Variants in HSD17B4 observed in about 807,000 individuals in gnomAD.
HSD17B4 encodes peroxisomal multifunctional enzyme type 2.
Under a neutral mutation model 101.0 loss-of-function variants are expected in HSD17B4, and 70 were observed. That is an observed-to-expected ratio of 0.69 (90% CI 0.57 to 0.85). The LOEUF (loss-of-function observed/expected upper bound fraction) is 0.85. Ranked by LOEUF, HSD17B4 falls within the 40% of genes least tolerant of loss-of-function variation. The pLI is 0.00. For missense variants in HSD17B4, 984 were observed against 892.4 expected, an observed-to-expected ratio of 1.10 and a Z score of -1.31; for synonymous variants, 347 against 297.1, an observed-to-expected ratio of 1.17 and a Z score of -1.73.
chr5:119,540,690 A>G (rs1004199585), intron 23 of HSD17B4, among the ~76,000 whole-genome samples: 4 of 152,146 alleles, frequency 2.6e-5, no homozygotes, highest in African/African-American at 9.7e-5. Context: ...CTCTCTGACT[A>G]TTTCTGGAAT....
intron 8 of HSD17B4, among the ~76,000 whole-genome samples, chr5:119,486,621 AGC>A (rs1749633162): frequency 1.3e-5 from 2 of 152,112 alleles, no homozygotes; most frequent in Non-Finnish European, 2.9e-5. Context: ...ATTTATATAA[AGC>A]TGTAGCTCAT....
chr5:119,452,967 C>A, intron 1 of HSD17B4: 2 of 974,412 alleles, frequency 2.1e-6, no homozygotes, highest in Non-Finnish European at 1.5e-6. Context: ...ACTCTTCCTG[C>A]AATTAACTCT....
chr5:119,489,418 C>A, intron 9 of HSD17B4, 135 bp downstream of exon 9: 2 of 672,318 alleles, frequency 3.0e-6, no homozygotes, highest in Non-Finnish European at 5.3e-6. Context: ...TGACTAATAT[C>A]CATTTTTTGG....
intron 2 of HSD17B4, among the ~76,000 whole-genome samples, chr5:119,470,774 A>C (rs2126670342): frequency 6.6e-6 from 1 of 152,278 alleles, no homozygotes; most frequent in South Asian, 2.1e-4. Context: ...TGCGGAGGAG[A>C]CAAGGATTGG....
intron 2 of HSD17B4, among the ~76,000 whole-genome samples, chr5:119,459,268 T>C (rs1287430236): frequency 2.0e-5 from 3 of 152,226 alleles, no homozygotes; most frequent in African/African-American, 7.2e-5. Context: ...TCTCTGTTTA[T>C]AGCTGTCTTA....
Position 119,493,906 on chromosome 5 carries a change from C to A in HSD17B4, c.828C>A (p.Ile276=). 1 of 1,613,338 alleles carries A rather than the reference C, an allele frequency of 6.2e-7. No individual in the cohort carries two copies. ...CAGTCAAGGCTAACTGGAAGAAGATCTGTGACTTTGAGAATGCCAGCAAGC... is the reference window on the plus strand; with the variant it reads ...CAGTCAAGGCTAACTGGAAGAAGATATGTGACTTTGAGAATGCCAGCAAGC... The part of the protein sequence containing the change: ...PEAVKANWKK[I]CDFENASKPQ... Residue 276 remains isoleucine (I), a synonymous_variant, in exon 11 of 24, where the codon ATC becomes ATA. Transcript: ENST00000510025.
intron 17 of HSD17B4, among the ~76,000 whole-genome samples, chr5:119,523,700 C>G (rs1335907460): frequency 1.3e-5 from 2 of 152,074 alleles, no homozygotes; most frequent in African/African-American, 4.8e-5. Context: ...ATCTTAGAAA[C>G]TTGGTTGTTT....
intron 8 of HSD17B4, among the ~76,000 whole-genome samples, chr5:119,487,603 A>C (rs1301326065): frequency 6.6e-6 from 1 of 152,168 alleles, no homozygotes; most frequent in Non-Finnish European, 1.5e-5. Context: ...TATATAAAAT[A>C]AACTGCAAGG....
At position 119,456,328 on chromosome 5, in the gene HSD17B4, C is replaced by T. The variant is rs2126610379; in HGVS notation, c.72C>T (p.Ala24=). The change falls in exon 2 of 24, where the codon GCC becomes GCT. Residue 24 remains alanine (A), a synonymous_variant. Transcript: ENST00000510025. ...VTGAGAGLGR[A]YALAFAERGA... is the part of the protein sequence containing the mutation. Reference sequence around the variant, plus strand: ...GTTTTTGATTAGGATTGGGCCGAGCCTATGCCCTGGCTTTTGCAGAAAGAG... The same window carrying T: ...GTTTTTGATTAGGATTGGGCCGAGCTTATGCCCTGGCTTTTGCAGAAAGAG... 2 of 1,611,394 alleles carry T rather than the reference C, an allele frequency of 1.2e-6. No individual in the cohort carries two copies. The highest frequency in any genetic ancestry group is 8.5e-7 in the Non-Finnish European group (1 of 1,177,490).
intron 2 of HSD17B4, among the ~76,000 whole-genome samples, chr5:119,457,748 A>G (rs912368945): frequency 2.6e-5 from 4 of 152,178 alleles, no homozygotes; most frequent in East Asian, 1.9e-4. Context: ...GCTCAATTCC[A>G]TAACGGCAAG....
intron 17 of HSD17B4, 92 bp downstream of exon 17, chr5:119,515,138 A>C: frequency 1.3e-6 from 1 of 774,920 alleles, no homozygotes; most frequent in Non-Finnish European, 2.4e-6. Context: ...TATGCATCTA[A>C]TGCATAATGA....
At chr5:119,519,842 T>C (rs1031688089) in intron 17 of HSD17B4, among the ~76,000 whole-genome samples, 1 of 152,216 alleles carries the variant, frequency 6.6e-6, no homozygotes, top group Non-Finnish European at 1.5e-5. Flanking sequence ...TAATTCTGCT[T>C]CTACTAAACG....
At chr5:119,485,104 T>G (rs1471111389) in intron 8 of HSD17B4, among the ~76,000 whole-genome samples, 1 of 152,146 alleles carries the variant, frequency 6.6e-6, no homozygotes, top group Admixed American at 6.5e-5. Flanking sequence ...TGCATCTAAC[T>G]TTGTACCTTC....
In HSD17B4 at chr5:119,525,732, T is replaced by G. The variant is rs2678073; in HGVS notation, c.1574-185T>G. 4,939 of 581,070 alleles carry G rather than the reference T, an allele frequency of 8.5e-3. 181 individuals carry two copies. The highest frequency in any genetic ancestry group is 0.084 in the African/African-American group (4,430 of 52,780). The allele number at this position is 581,070 out of a possible 1,614,324, so 36.0% of individuals were successfully genotyped here. A position where few individuals can be genotyped will look rare whatever the true frequency, so the allele number is the denominator to read the frequency against. On this transcript the variant is annotated intron_variant, in intron 18 of 23. Coordinates refer to ENST00000510025, the MANE Select transcript of HSD17B4 (RefSeq NM_000414.4). ...TGTTTTGTTTTTTTTTTTTCTTTCT[T>G]TCTTTATTTCATAATTTCCTCCCAG...
chr5:119,483,371 C>T (rs540595114), intron 8 of HSD17B4, among the ~76,000 whole-genome samples: 6 of 152,202 alleles, frequency 3.9e-5, no homozygotes, highest in Admixed American at 3.9e-4. Context: ...TGCTGATAAG[C>T]AGAGTTGTTG....
intron 7 of HSD17B4, 117 bp downstream of exon 7, chr5:119,477,618 A>T: frequency 1.3e-6 from 1 of 795,806 alleles, no homozygotes; most frequent in Admixed American, 1.8e-5. Flanking sequence ...AGGAATATGT[A>T]CAACCTTTTA....
At chr5:119,509,000 G>C in intron 15 of HSD17B4, 141 bp from the exon 16 acceptor site, 1 of 640,534 alleles carries the variant, frequency 1.6e-6, no homozygotes, top group Admixed American at 2.6e-5. Context: ...TCCAAACTTG[G>C]ACACCTTTAC....
intron 6 of HSD17B4, chr5:119,476,528 G>A (rs1748600892): frequency 1.0e-6 from 1 of 979,656 alleles, no homozygotes; most frequent in Non-Finnish European, 1.2e-6. Flanking sequence ...TGTTTATAGA[G>A]TGTGTTTTGG....
In HSD17B4 at chr5:119,542,130, G is replaced by T; in HGVS notation, c.*136G>T. 3 of 670,126 alleles carry T rather than the reference G, an allele frequency of 4.5e-6. No individual in the cohort carries two copies. Among genetic ancestry groups the T allele is most frequent in the Non-Finnish European group, 8.2e-6 (3 of 368,066 alleles). The allele number at this position is 670,126 out of a possible 1,614,324, so 41.5% of individuals were successfully genotyped here. A position where few individuals can be genotyped will look rare whatever the true frequency, so the allele number is the denominator to read the frequency against. The stretch of plus-strand genomic sequence containing the variant: ...TAACATTTTCAGATATCAGATAACT[G>T]CAGATTTTCATTTTCTACTAATTTT... On this transcript the variant is annotated 3_prime_UTR_variant, in exon 24 of 24. Transcript: ENST00000510025.
Sources: gnomAD v4.1 joint callset for allele counts (sites outside exome capture counted in the v4.1 genomes callset) on GRCh38, gnomAD v4.1.1 for gene constraint, MANE v1.5 for transcripts, NCBI Gene and HGNC (gene_info 2026-07-23, HGNC 2026-07-21) for gene names.